The following ARID1B variants were observed in gnomAD, a reference collection of about 807,000 sequenced individuals.
ARID1B encodes AT-rich interaction domain 1B, also known as AT-rich interactive domain-containing protein 1B.
In ARID1B, 30 loss-of-function variants were observed where a neutral mutation model predicts 212.3. The observed-to-expected ratio is 0.14, with a 90% confidence interval of 0.11 to 0.19. ARID1B has a LOEUF of 0.19. Ranked by LOEUF, ARID1B falls within the 10% of genes least tolerant of loss-of-function variation. ARID1B has a pLI of 1.00. For missense variants in ARID1B, 2,891 were observed against 3,204.0 expected, an observed-to-expected ratio of 0.90 and a Z score of 2.36; for synonymous variants, 1,402 against 1,301.7, an observed-to-expected ratio of 1.08 and a Z score of -1.66.
rs751391187 is a variant in ARID1B, at chr6:157,206,882, G to A, written c.6110G>A (p.Arg2037Gln). 40 of 1,614,026 alleles carry A rather than the reference G, an allele frequency of 2.5e-5. No homozygotes were observed. Among genetic ancestry groups the A allele is most frequent in the African/African-American group, 4.0e-5 (3 of 74,918 alleles). Reference sequence around the variant, plus strand: ...GGTATCCAGCAAGCCAAAAGTCACCGGAACATCAAGCTGCTGGAGGACGAG... The same window carrying A: ...GGTATCCAGCAAGCCAAAAGTCACCAGAACATCAAGCTGCTGGAGGACGAG... The part of the protein sequence containing the change: ...PFGIQQAKSH[R>Q]NIKLLEDEPR... Residue 2037 changes from arginine to glutamine, a missense_variant, in exon 20 of 20, where the codon CGG becomes CAG. Around this residue, in one of 7 missense-constraint regions of ARID1B, gnomAD observed 332 missense variants for 369.2 expected, o/e 0.90. Coordinates refer to ENST00000636930, the MANE Select transcript of ARID1B (RefSeq NM_001374828.1). The surrounding 1 kb of genome is among the most constrained non-coding windows in gnomAD (Gnocchi z 6.8).
At chr6:156,948,047 G>A (rs1793291788) in intron 4 of ARID1B, among the ~76,000 whole-genome samples, 1 of 152,162 alleles carries the variant, frequency 6.6e-6, no homozygotes, top group South Asian at 2.1e-4. Flanking sequence ...CTGCTCCTGA[G>A]CATGGTGCCA....
chr6:157,051,645 A>G (rs919831613), intron 4 of ARID1B, among the ~76,000 whole-genome samples: 3 of 152,318 alleles, frequency 2.0e-5, no homozygotes, highest in African/African-American at 7.2e-5. Flanking sequence ...GTGCCTGTGT[A>G]TCTTTCAATA....
intron 4 of ARID1B, among the ~76,000 whole-genome samples, chr6:157,029,085 C>G (rs1780860090): frequency 6.6e-6 from 1 of 152,118 alleles, no homozygotes; most frequent in African/African-American, 2.4e-5. Flanking sequence ...ATTTTATTGC[C>G]ATCAGTTTAT....
rs185294031 is a variant in ARID1B at position 156,899,235 on chromosome 6, C to A, written c.1987-2141C>A. On this transcript the variant is annotated intron_variant, in intron 2 of 19. Transcript: ENST00000636930. ...TGACTGACCGTATTCACACAACTCA[C>A]GTGCAAAGGGAATTGGACTTAGAGT... 4.7e-5 allele frequency among the ~76,000 whole-genome samples: 4 copies of A among 84,618 alleles called. No individual in the cohort carries two copies. In the South Asian group the frequency reaches 1.1e-3, roughly 23 times the overall value. 55.5% of individuals were successfully genotyped at this position (84,618 alleles called of 152,430 possible).
intron 4 of ARID1B, chr6:156,942,887 CA>C (rs1239220290): frequency 2.6e-5 from 4 of 152,228 alleles, no homozygotes; most frequent in Non-Finnish European, 5.9e-5. Flanking sequence ...TACAGATTTT[CA>C]CTTCGCAGGT....
intron 3 of ARID1B, among the ~76,000 whole-genome samples, chr6:156,928,569 ATTT>A (rs1791432490): frequency 6.6e-6 from 1 of 152,142 alleles, no homozygotes. Flanking sequence ...TCCTGTAGAG[ATTT>A]GGGAATCACC....
rs552882298 is a variant in ARID1B, at chr6:157,098,924, G to A, written c.2492-11548G>A. ...GACTAAAAATGTCTCATTTTAATGC[G>A]GAGAATCCTCTGTATGTAAATGTTT... On this transcript the variant is annotated intron_variant, in intron 5 of 19. Transcript: ENST00000636930. Among the ~76,000 whole-genome samples, 167 of 152,260 alleles carry A rather than the reference G, an allele frequency of 1.1e-3. 3 individuals carry two copies. In the South Asian group the frequency reaches 0.033, roughly 30 times the overall value.
chr6:156,867,184 A>G (rs288551), intron 2 of ARID1B, among the ~76,000 whole-genome samples: 148,536 of 152,340 alleles, frequency 0.98, 72,452 homozygotes, highest in East Asian at 1. Context: ...GGTAGCAAAG[A>G]AAATCATATT....
chr6:157,024,947 G>C (rs1238895390), intron 4 of ARID1B, among the ~76,000 whole-genome samples: 1 of 152,254 alleles, frequency 6.6e-6, no homozygotes, highest in Non-Finnish European at 1.5e-5. Context: ...TCTGAAGGTT[G>C]TGTAATAATT....
At position 156,777,924 on chromosome 6, in the gene ARID1B, C is replaced by T. The variant is rs1437361779; in HGVS notation, c.244C>T (p.Leu82Phe). 1 of 1,523,138 alleles carries T rather than the reference C, an allele frequency of 6.6e-7. No individual in the cohort carries two copies. 94.4% of individuals were successfully genotyped at this position (1,523,138 alleles called of 1,614,324 possible). The change falls in exon 1 of 20, where the codon CTC becomes TTC. Residue 82 changes from leucine (L) to phenylalanine (F), a missense_variant. Transcript: ENST00000636930. ...CCACCCCCTGCTCCCCCGTCACGAACTCAACATGGCCCATAACGCGGGCGC... is the reference window on the plus strand; with the variant it reads ...CCACCCCCTGCTCCCCCGTCACGAATTCAACATGGCCCATAACGCGGGCGC... ...HHHPLLPRHE[L>F]NMAHNAGAAA... is the part of the protein sequence containing the mutation.
At position 157,184,392 on chromosome 6, in the gene ARID1B, C is replaced by T. The variant is rs369218715; in HGVS notation, c.3876C>T (p.Thr1292=). 3.9e-5 allele frequency: 63 copies of T among 1,613,982 alleles called. No individual in the cohort carries two copies. The highest frequency in any genetic ancestry group is 2.1e-4 in the South Asian group (19 of 91,068). ...GEEPPPEVFS[T]GDTKKQPKLQ... is the part of the protein sequence containing the mutation. ...AGCCCCCGCCGGAAGTCTTCAGCAC[C>T]GGGGACACCAAAAAGCAGCCCAAGC... The change falls in exon 13 of 20, where the codon ACC becomes ACT. Residue 1292 remains threonine, a synonymous_variant. Coordinates refer to ENST00000636930, the MANE Select transcript of ARID1B (RefSeq NM_001374828.1).
At chr6:157,174,738 AT>A (rs2128305311) in intron 10 of ARID1B, 108 bp from the exon 11 acceptor site, 1 of 293,804 alleles carries the variant, frequency 3.4e-6, no homozygotes, top group Non-Finnish European at 5.9e-6. Flanking sequence ...ATATATATAT[AT>A]AATATATATA....
intron 2 of ARID1B, among the ~76,000 whole-genome samples, chr6:156,853,043 CA>C (rs1473947150): frequency 1.3e-5 from 2 of 152,236 alleles, no homozygotes; most frequent in African/African-American, 4.8e-5. Context: ...GCATCATTTG[CA>C]CATACAGTGA....
intron 4 of ARID1B, among the ~76,000 whole-genome samples, chr6:156,970,226 G>A (rs1456322709): frequency 6.6e-6 from 1 of 151,640 alleles, no homozygotes; most frequent in East Asian, 1.9e-4. Context: ...GATTACAGGC[G>A]CCCACCACCA....
At chr6:157,087,778 C>A (rs977641193) in intron 5 of ARID1B, among the ~76,000 whole-genome samples, 1 of 148,598 alleles carries the variant, frequency 6.7e-6, no homozygotes, top group Non-Finnish European at 1.5e-5. Context: ...TATATTTTCA[C>A]AGAGTTGAGC....
intron 4 of ARID1B, among the ~76,000 whole-genome samples, chr6:157,055,929 G>T (rs997912388): frequency 1.3e-5 from 2 of 152,118 alleles, no homozygotes; most frequent in Non-Finnish European, 2.9e-5. Flanking sequence ...TTCCGTGCCT[G>T]TCTCCACAAC....
intron 9 of ARID1B, among the ~76,000 whole-genome samples, chr6:157,171,523 A>G (rs1476571805): frequency 6.6e-6 from 1 of 152,254 alleles, no homozygotes; most frequent in African/African-American, 2.4e-5. Flanking sequence ...ATAAGCATTT[A>G]AATAAAAAGA....
intron 5 of ARID1B, among the ~76,000 whole-genome samples, chr6:157,092,385 G>A (rs565612427): frequency 4.6e-5 from 7 of 152,316 alleles, no homozygotes; most frequent in African/African-American, 1.7e-4. Context: ...GCAAGTCCAT[G>A]GGTCATGAAT....
intron 8 of ARID1B, among the ~76,000 whole-genome samples, chr6:157,158,029 A>AAAT (rs1044045317): frequency 6.6e-6 from 1 of 152,230 alleles, no homozygotes; most frequent in Non-Finnish European, 1.5e-5. Context: ...GTCTCTTAAA[A>AAAT]AATAATAATA....
Sources: gnomAD v4.1 joint callset for allele counts (sites outside exome capture counted in the v4.1 genomes callset) on GRCh38, gnomAD v4.1.1 for gene constraint, gnomAD v4.1.1 regional missense constraint, Gnocchi (gnomAD v3.1) non-coding constraint, MANE v1.5 for transcripts, NCBI Gene and HGNC (gene_info 2026-07-23, HGNC 2026-07-21) for gene names.